NRXN2: variants seen among roughly 807,000 people sequenced by gnomAD.
NRXN2 encodes the protein neurexin-2-beta.
Under a neutral mutation model 128.8 loss-of-function variants are expected in NRXN2, and 29 were observed. That is an observed-to-expected ratio of 0.23 (90% CI 0.17 to 0.31). The LOEUF is 0.31. NRXN2 is among the 10% of genes least tolerant of loss of function. The pLI is 1.00. For synonymous variants in NRXN2, 1,098 were observed against 1,075.2 expected (o/e 1.02, Z -0.41); for missense variants, 1,881 against 2,452.6 (o/e 0.77, Z 4.92).
At chr11:64,626,956 C>A (rs1454811612) in intron 19 of NRXN2, among the ~76,000 whole-genome samples, 1 of 152,144 alleles carries the variant, frequency 6.6e-6, no homozygotes, top group East Asian at 1.9e-4. Context: ...GGGCGGGAGG[C>A]ATCAGTGGCC....
chr11:64,712,932 C>G, intron 2 of NRXN2, 38 bp downstream of exon 2: 2 of 1,486,782 alleles, frequency 1.3e-6, no homozygotes, highest in Non-Finnish European at 1.8e-6. Context: ...CCCTCACCCC[C>G]GCGCCCAGGC....
intron 22 of NRXN2, 113 bp downstream of exon 22, chr11:64,620,181 G>A: frequency 1.2e-6 from 1 of 800,870 alleles, no homozygotes. Flanking sequence ...ATCAGGGAAA[G>A]CTAAGGCCTG....
Position 64,651,121 on chromosome 11 carries a change from C to T in NRXN2, c.2918+134G>A. 8.9e-6 allele frequency: 11 copies of T among 1,238,418 alleles called. No individual in the cohort carries two copies. The highest frequency in any genetic ancestry group is 2.3e-5 in the East Asian group (1 of 42,812). 76.7% of individuals were successfully genotyped at this position (1,238,418 alleles called of 1,614,324 possible). A position where few individuals can be genotyped will look rare whatever the true frequency, so the allele number is the denominator to read the frequency against. On this transcript the variant is annotated intron_variant, in intron 14 of 22. Coordinates refer to ENST00000265459, the MANE Select transcript of NRXN2 (RefSeq NM_015080.4). This position sits in a 1 kb window ranked among gnomAD's most constrained non-coding sequence, Gnocchi z 5.9. ...GCTGAAGAGGGAGCCTCTCGACTTA[C>T]GGTCGGGGACCTGAATCTTGACTTG... is the stretch of plus-strand genomic sequence containing the variant.
At chr11:64,682,742 G>A (rs1468005614) in intron 6 of NRXN2, among the ~76,000 whole-genome samples, 1 of 152,218 alleles carries the variant, frequency 6.6e-6, no homozygotes, top group Non-Finnish European at 1.5e-5. Flanking sequence ...GGGTATGGGA[G>A]GAGAGTGGGC....
intron 2 of NRXN2, among the ~76,000 whole-genome samples, chr11:64,709,953 G>A (rs2056734498): frequency 6.7e-6 from 1 of 149,532 alleles, no homozygotes; most frequent in Middle Eastern, 3.2e-3. Flanking sequence ...TGTCACCCAG[G>A]CTGGAGTGCA....
At chr11:64,620,210 T>G in intron 22 of NRXN2, 84 bp downstream of exon 22, 1 of 1,106,128 alleles carries the variant, frequency 9.0e-7, no homozygotes, top group South Asian at 1.3e-5. Flanking sequence ...CCCTGGGGCT[T>G]GGGCCAGGTG....
intron 5 of NRXN2, among the ~76,000 whole-genome samples, chr11:64,688,202 G>A (rs1307000012): frequency 2.6e-5 from 4 of 152,170 alleles, no homozygotes; most frequent in African/African-American, 7.2e-5. Context: ...GCCATTTCTC[G>A]ACTCCTCAGC....
intron 15 of NRXN2, among the ~76,000 whole-genome samples, chr11:64,650,032 G>C (rs747221294): frequency 6.6e-6 from 1 of 152,162 alleles, no homozygotes; most frequent in Non-Finnish European, 1.5e-5. Flanking sequence ...CAGGTGACTC[G>C]GGGACTCTAG....
Position 64,637,378 on chromosome 11 carries a change from AC to A in NRXN2, c.3404-1927del, listed in dbSNP as rs1294091772. The A allele has an allele frequency of 4.6e-5, 7 of 151,628 alleles. No individual in the cohort carries two copies. In the East Asian group the frequency reaches 1.4e-3, roughly 30 times the overall value. The allele number at this position is 151,628 out of a possible 1,614,324, so 9.4% of individuals were successfully genotyped here. On this transcript the variant is annotated intron_variant, in intron 17 of 22. Transcript: ENST00000265459. ...TTGGCTGACAGTGGGGTATGCAGTG[AC>A]CCCCACCCCCACCCCATGTGGTCAC...
At chr11:64,649,566 G>A (rs1186070361) in intron 15 of NRXN2, among the ~76,000 whole-genome samples, 1 of 152,142 alleles carries the variant, frequency 6.6e-6, no homozygotes, top group Non-Finnish European at 1.5e-5. Context: ...CGGGGTTTGG[G>A]GCCACTTTGG....
intron 19 of NRXN2, among the ~76,000 whole-genome samples, chr11:64,628,404 G>A (rs2043385673): frequency 6.6e-6 from 1 of 152,166 alleles, no homozygotes; most frequent in African/African-American, 2.4e-5. Flanking sequence ...CATGCATACT[G>A]ATGGTCTGAC....
rs1328231906 is a variant in NRXN2, at chr11:64,630,825, G to T, written c.3586-252C>A. On this transcript the variant is annotated intron_variant, in intron 18 of 22. Coordinates refer to ENST00000265459, the MANE Select transcript of NRXN2 (RefSeq NM_015080.4). This position sits in a 1 kb window ranked among gnomAD's most constrained non-coding sequence, Gnocchi z 4.6. ...AACCACACCTGTCTCTTGCCTTTTG[G>T]TTTGTCCTGGATATTCACAAGTATT... is the stretch of plus-strand genomic sequence containing the variant. Among the ~76,000 whole-genome samples the T allele has an allele frequency of 6.6e-6, 1 of 152,196 alleles. No homozygotes were observed. The highest frequency in any genetic ancestry group is 1.5e-5 in the Non-Finnish European group (1 of 68,026).
intron 7 of NRXN2, among the ~76,000 whole-genome samples, chr11:64,670,317 C>T (rs942175304): frequency 6.6e-6 from 1 of 152,100 alleles, no homozygotes; most frequent in Non-Finnish European, 1.5e-5. Context: ...CTTCCCTCCA[C>T]CCCACCCTAA....
At chr11:64,706,844 C>T (rs1321728006) in intron 2 of NRXN2, among the ~76,000 whole-genome samples, 1 of 152,166 alleles carries the variant, frequency 6.6e-6, no homozygotes, top group Non-Finnish European at 1.5e-5. Flanking sequence ...AAACTCTCCC[C>T]TGCACTTTGC....
At chr11:64,626,200 C>G (rs1781655698) in intron 20 of NRXN2, among the ~76,000 whole-genome samples, 1 of 152,050 alleles carries the variant, frequency 6.6e-6, no homozygotes, top group South Asian at 2.1e-4. Flanking sequence ...GTGGATTACC[C>G]TAGTTGATCC....
At chr11:64,689,801 G>C (rs2053570536) in intron 5 of NRXN2, among the ~76,000 whole-genome samples, 1 of 152,196 alleles carries the variant, frequency 6.6e-6, no homozygotes, top group African/African-American at 2.4e-5. Context: ...AAGGATGGCG[G>C]AAATCCAGGC....
chr11:64,687,908 T>G (rs2053279089), intron 5 of NRXN2, among the ~76,000 whole-genome samples: 1 of 152,136 alleles, frequency 6.6e-6, no homozygotes, highest in Admixed American at 6.5e-5. Context: ...CAACGAAGCC[T>G]GCTGCCCAGG....
chr11:64,610,537 T>A (rs544613337), intron 22 of NRXN2, among the ~76,000 whole-genome samples: 96 of 152,260 alleles, frequency 6.3e-4, no homozygotes, highest in Non-Finnish European at 1.1e-3. Flanking sequence ...ACAGAACACC[T>A]GTTCTGTCAC....
chr11:64,664,568 G>T (rs941631867), intron 9 of NRXN2, among the ~76,000 whole-genome samples: 2 of 151,666 alleles, frequency 1.3e-5, no homozygotes, highest in African/African-American at 4.9e-5. Context: ...CTGCAGGAAA[G>T]GGTAGTAAAT....
Sources: gnomAD v4.1 joint callset for allele counts (sites outside exome capture counted in the v4.1 genomes callset) on GRCh38, gnomAD v4.1.1 for gene constraint, Gnocchi (gnomAD v3.1) non-coding constraint, MANE v1.5 for transcripts, NCBI Gene and HGNC (gene_info 2026-07-23, HGNC 2026-07-21) for gene names.